FOXJ3: variants seen among roughly 807,000 people sequenced by gnomAD.
The protein encoded by FOXJ3 is forkhead box protein J3.
In FOXJ3, 22 loss-of-function variants were observed where a neutral mutation model predicts 76.1. The ratio of observed to expected loss-of-function variants is 0.29; its 90% CI spans 0.21 to 0.41. The LOEUF (loss-of-function observed/expected upper bound fraction) is 0.41, where lower values mean the gene tolerates loss of function less well. Among genes scored for constraint, FOXJ3 ranks in the 10% least tolerant of loss-of-function variants. FOXJ3 has a pLI of 1.00. For missense variants in FOXJ3, 613 were observed against 762.1 expected (o/e 0.80, Z 2.30); for synonymous variants, 269 against 261.2 (o/e 1.03, Z -0.29).
At chr1:42,274,624 G>A (rs1051575121) in intron 3 of FOXJ3, among the ~76,000 whole-genome samples, 1 of 152,054 alleles carries the variant, frequency 6.6e-6, no homozygotes, top group Non-Finnish European at 1.5e-5. Context: ...ACTTCATAAG[G>A]CTATTGTGTG....
At chr1:42,309,339 T>C (rs1382070194) in intron 2 of FOXJ3, among the ~76,000 whole-genome samples, 1 of 152,142 alleles carries the variant, frequency 6.6e-6, no homozygotes, top group East Asian at 1.9e-4. Context: ...CTGCACTCCC[T>C]CTGTGCCTAA....
At chr1:42,313,015 G>T (rs988192633) in intron 1 of FOXJ3, among the ~76,000 whole-genome samples, 1 of 152,148 alleles carries the variant, frequency 6.6e-6, no homozygotes, top group Non-Finnish European at 1.5e-5. Flanking sequence ...ACCACAAGCT[G>T]ATCTTCCCCT....
intron 1 of FOXJ3, among the ~76,000 whole-genome samples, chr1:42,332,407 T>C (rs1171065655): frequency 6.6e-6 from 1 of 152,222 alleles, no homozygotes; most frequent in African/African-American, 2.4e-5. Context: ...TTATGAAGAT[T>C]TAATGAATTA....
chr1:42,182,507 C>G (rs949816466), intron 11 of FOXJ3, among the ~76,000 whole-genome samples: 1 of 152,082 alleles, frequency 6.6e-6, no homozygotes, highest in Non-Finnish European at 1.5e-5. Flanking sequence ...CTCATGGACT[C>G]TCTTTTTTGA....
intron 6 of FOXJ3, among the ~76,000 whole-genome samples, chr1:42,203,276 T>C (rs963158462): frequency 3.3e-5 from 5 of 152,244 alleles, no homozygotes; most frequent in African/African-American, 4.8e-5. Context: ...CTTGTTTACA[T>C]TGTCTTCCCC....
chr1:42,259,081 G>A (rs1285956376), intron 4 of FOXJ3, among the ~76,000 whole-genome samples: 1 of 152,164 alleles, frequency 6.6e-6, no homozygotes, highest in African/African-American at 2.4e-5. Flanking sequence ...AAACAAAACT[G>A]CTGATATGCA....
At chr1:42,199,531 T>C (rs1049094672) in intron 6 of FOXJ3, among the ~76,000 whole-genome samples, 4 of 152,176 alleles carry the variant, frequency 2.6e-5, no homozygotes, top group Admixed American at 6.5e-5. Context: ...AGATTTTTAC[T>C]TTATTAAATA....
At position 42,182,046 on chromosome 1, in the gene FOXJ3, A is replaced by G. The variant is rs757483773; in HGVS notation, c.1646-22T>C. On this transcript the variant is annotated intron_variant, in intron 11 of 12. Transcript: ENST00000361346. The stretch of plus-strand genomic sequence containing the variant: ...TTTCCTAATCAGATTAAAAGCAGAA[A>G]GAGGGAAAACATGTTACCACAAATA... 6 of 1,391,428 alleles carry G rather than the reference A, an allele frequency of 4.3e-6. No homozygotes were observed. The East Asian group carries it at 1.1e-4, about 27-fold the overall frequency. The allele number at this position is 1,391,428 out of a possible 1,614,324, so 86.2% of individuals were successfully genotyped here. A position where few individuals can be genotyped will look rare whatever the true frequency, so the allele number is the denominator to read the frequency against.
At chr1:42,199,674 A>G (rs1646721428) in intron 6 of FOXJ3, among the ~76,000 whole-genome samples, 1 of 151,992 alleles carries the variant, frequency 6.6e-6, no homozygotes, top group African/African-American at 2.4e-5. Flanking sequence ...AGTATTTTTA[A>G]TACTGAAGAT....
At chr1:42,181,801 G>T in intron 12 of FOXJ3, 116 bp downstream of exon 12, 1 of 622,950 alleles carries the variant, frequency 1.6e-6, no homozygotes, top group South Asian at 2.2e-5. Context: ...ATTAAACTCT[G>T]GGTAATAACT....
chr1:42,245,604 T>A (rs1471079279), intron 4 of FOXJ3, among the ~76,000 whole-genome samples: 2 of 152,144 alleles, frequency 1.3e-5, no homozygotes, highest in African/African-American at 4.8e-5. Flanking sequence ...GAAAAAGCAT[T>A]TGATAAAATT....
chr1:42,315,357 G>A, intron 1 of FOXJ3: 1 of 921,324 alleles, frequency 1.1e-6, no homozygotes, highest in Middle Eastern at 5.5e-4. Flanking sequence ...TGAATAAAAA[G>A]CTAATTTTTT....
chr1:42,320,940 G>A (rs913143202), intron 1 of FOXJ3, among the ~76,000 whole-genome samples: 1 of 152,112 alleles, frequency 6.6e-6, no homozygotes, highest in Non-Finnish European at 1.5e-5. Flanking sequence ...GGAATTCAAA[G>A]CAACAGATCC....
At chr1:42,311,746 T>C (rs1242673618) in intron 1 of FOXJ3, among the ~76,000 whole-genome samples, 1 of 152,070 alleles carries the variant, frequency 6.6e-6, no homozygotes, top group African/African-American at 2.4e-5. Context: ...ATTCTAACTG[T>C]GGCACTATAG....
At chr1:42,263,201 A>G (rs1335524543) in intron 4 of FOXJ3, among the ~76,000 whole-genome samples, 1 of 152,198 alleles carries the variant, frequency 6.6e-6, no homozygotes, top group Non-Finnish European at 1.5e-5. Flanking sequence ...CTTCTACACA[A>G]AAGAAAAATA....
At chr1:42,209,703 C>G (rs992667653) in intron 5 of FOXJ3, among the ~76,000 whole-genome samples, 1 of 152,214 alleles carries the variant, frequency 6.6e-6, no homozygotes, top group Admixed American at 6.5e-5. Flanking sequence ...AGCAGCATCA[C>G]GACATGCTTT....
Position 42,320,402 on chromosome 1 carries a change from A to C in FOXJ3, c.-17-9292T>G, listed in dbSNP as rs74747921. ...ACTCACTAGATAATCCTGAGGCTTC[A>C]GTCTCTCTACTTTGCTCAAAAACTT... is the stretch of plus-strand genomic sequence containing the variant. On this transcript the variant is annotated intron_variant, in intron 1 of 12. Coordinates refer to ENST00000361346, the MANE Select transcript of FOXJ3 (RefSeq NM_014947.5). 2.1e-3 allele frequency among the ~76,000 whole-genome samples: 317 copies of C among 152,338 alleles called. 11 individuals carry two copies. The East Asian group carries it at 0.05, about 24-fold the overall frequency.
intron 4 of FOXJ3, among the ~76,000 whole-genome samples, chr1:42,230,012 C>G (rs1171360306): frequency 1.3e-5 from 2 of 152,060 alleles, no homozygotes; most frequent in African/African-American, 4.8e-5. Context: ...ATTACAAAAA[C>G]AAATAGATAA....
At chr1:42,242,573 A>T (rs542754329) in intron 4 of FOXJ3, among the ~76,000 whole-genome samples, 1 of 151,902 alleles carries the variant, frequency 6.6e-6, no homozygotes, top group African/African-American at 2.4e-5. Context: ...GACCAAAAAA[A>T]AAAAAAAAAG....
Sources: allele counts gnomAD v4.1 joint callset (sites outside exome capture counted in the v4.1 genomes callset), GRCh38; gene constraint gnomAD v4.1.1; transcripts MANE v1.5; gene names NCBI Gene and HGNC (gene_info 2026-07-23, HGNC 2026-07-21).